The following GGACT variants were observed in gnomAD, a reference collection of about 807,000 sequenced individuals.
The protein encoded by GGACT is gamma-glutamylamine cyclotransferase.
For synonymous variants in GGACT, 118 were observed against 115.3 expected (o/e 1.02, Z -0.15); for missense variants, 241 against 233.2 (o/e 1.03, Z -0.22).
rs1594178046 is a variant in GGACT at position 100,531,406 on chromosome 13, A to C, written c.*724T>G. The C allele has an allele frequency of 2.6e-5, 4 of 152,330 alleles. No individual in the cohort carries two copies. In the South Asian group the frequency reaches 8.3e-4, roughly 32 times the overall value. 9.4% of individuals were successfully genotyped at this position (152,330 alleles called of 1,614,324 possible). The stretch of plus-strand genomic sequence containing the variant: ...TCTGGCTACTGAGATCTGGGCTCAG[A>C]TAAACTTCCACTTGAAGTCCGGGCG... On this transcript the variant is annotated 3_prime_UTR_variant, in exon 3 of 3. Transcript: ENST00000683975.
intron 2 of GGACT, chr13:100,539,076 T>C (rs555484803): frequency 1.3e-5 from 2 of 152,386 alleles, no homozygotes; most frequent in Non-Finnish European, 2.9e-5. Flanking sequence ...GCAACTTCAC[T>C]GAATTTGCTT....
At chr13:100,551,474 C>T (rs922450037) in intron 2 of GGACT, among the ~76,000 whole-genome samples, 2 of 152,184 alleles carry the variant, frequency 1.3e-5, no homozygotes, top group African/African-American at 4.8e-5. Context: ...GACTTCCCCT[C>T]GGCTCCCAGG....
intron 2 of GGACT, among the ~76,000 whole-genome samples, chr13:100,583,575 ACAATGGCATAAT>A (rs1875479803): frequency 6.6e-6 from 1 of 152,146 alleles, no homozygotes; most frequent in African/African-American, 2.4e-5. Context: ...AGGCTGGAGC[ACAATGGCATAAT>A]CAGTGTAATC....
At position 100,581,032 on chromosome 13, in the gene GGACT, G is replaced by C. The variant is rs117928011; in HGVS notation, c.-11+2793C>G. 2.7e-3 allele frequency among the ~76,000 whole-genome samples: 407 copies of C among 152,350 alleles called. 12 individuals are homozygous for C. The East Asian group carries it at 0.052, about 19-fold the overall frequency. ...GGAGGTGAGAGACAGCAGGGAAAAC[G>C]CAAGAGTGATCCACGGGGTAAAGGA... On this transcript the variant is annotated intron_variant, in intron 2 of 2. Transcript: ENST00000683975.
chr13:100,539,815 C>CTGT, intron 2 of GGACT: 1 of 532,738 alleles, frequency 1.9e-6, no homozygotes, highest in Non-Finnish European at 3.2e-6. Context: ...TGGTCCTGGG[C>CTGT]TTTTTTTTTT....
At chr13:100,577,418 A>AAAATAAATAAATAAAT (rs59417268) in intron 2 of GGACT, among the ~76,000 whole-genome samples, 4,317 of 141,176 alleles carry the variant, frequency 0.031, 91 homozygotes, top group East Asian at 0.095. Context: ...CTCCATCTCA[A>AAAATAAATAAATAAAT]AAATAAATAA....
At chr13:100,565,616 G>A (rs180829104) in intron 2 of GGACT, among the ~76,000 whole-genome samples, 41 of 152,244 alleles carry the variant, frequency 2.7e-4, no homozygotes, top group Admixed American at 1.1e-3. Context: ...AGTGTTTTAC[G>A]TTGATGATGA....
chr13:100,559,216 T>C (rs1481603700), intron 2 of GGACT, among the ~76,000 whole-genome samples: 1 of 152,196 alleles, frequency 6.6e-6, no homozygotes, highest in African/African-American at 2.4e-5. Context: ...TGAGACGGAG[T>C]CTCATCTGTT....
intron 1 of GGACT, among the ~76,000 whole-genome samples, chr13:100,585,499 G>T (rs1218252870): frequency 6.6e-6 from 1 of 152,112 alleles, no homozygotes; most frequent in African/African-American, 2.4e-5. Flanking sequence ...TGAGCACGGT[G>T]GCTCACGGCT....
chr13:100,581,359 G>A (rs1291582292), intron 2 of GGACT, among the ~76,000 whole-genome samples: 8 of 152,168 alleles, frequency 5.3e-5, no homozygotes, highest in Non-Finnish European at 7.3e-5. Context: ...AAGCAAGGAA[G>A]TGCTCAAAAA....
chr13:100,543,197 CTTTTTTTTT>C (rs147710327), intron 2 of GGACT, among the ~76,000 whole-genome samples: 51 of 69,902 alleles, frequency 7.3e-4, no homozygotes, highest in African/African-American at 2.5e-3. Context: ...AAGACACCAG[CTTTTTTTTT>C]TTTTTTTTTT....
chr13:100,545,888 A>G lies in GGACT; in HGVS notation c.-10-13287T>C, dbSNP rs1413003212. 3.3e-5 allele frequency among the ~76,000 whole-genome samples: 5 copies of G among 152,228 alleles called. No individual in the cohort carries two copies. Among genetic ancestry groups the G allele is most frequent in the African/African-American group, 1.2e-4 (5 of 41,456 alleles). Reference sequence around the variant, plus strand: ...AAGGCCCCATCATGTCCCTTCCTACACATGCGTCAGCCAACCACATACTCG... The same window carrying G: ...AAGGCCCCATCATGTCCCTTCCTACGCATGCGTCAGCCAACCACATACTCG... On this transcript the variant is annotated intron_variant, in intron 2 of 2. Coordinates refer to ENST00000683975, the MANE Select transcript of GGACT (RefSeq NM_001195087.2). The surrounding 1 kb of genome is among the most constrained non-coding windows in gnomAD (Gnocchi z 4.4).
chr13:100,558,671 T>C (rs2088730826), intron 2 of GGACT, among the ~76,000 whole-genome samples: 1 of 152,204 alleles, frequency 6.6e-6, no homozygotes, highest in African/African-American at 2.4e-5. Context: ...AATGAACTCA[T>C]ATATCCACAT....
chr13:100,585,822 C>CAAAA lies in GGACT; in HGVS notation c.-183-1829_-183-1826dup, dbSNP rs550006144. On this transcript the variant is annotated intron_variant, in intron 1 of 2. Coordinates refer to ENST00000683975, the MANE Select transcript of GGACT (RefSeq NM_001195087.2). ...CAGCCTGGGCAATACCTGTCTCCAC[C>CAAAA]AAAAAAAAAAAAAAAAAAAAAAAAA... 7.4e-3 allele frequency among the ~76,000 whole-genome samples: 220 copies of CAAAA among 29,568 alleles called. 24 individuals are homozygous for CAAAA. Among genetic ancestry groups the CAAAA allele is most frequent in the African/African-American group, 9.5e-3 (115 of 12,068 alleles). 19.4% of individuals were successfully genotyped at this position (29,568 alleles called of 152,430 possible). A position where few individuals can be genotyped will look rare whatever the true frequency, so the allele number is the denominator to read the frequency against.
chr13:100,548,170 G>A (rs980762909), intron 2 of GGACT, among the ~76,000 whole-genome samples: 1 of 152,246 alleles, frequency 6.6e-6, no homozygotes, highest in African/African-American at 2.4e-5. Context: ...GAAGGCAAGG[G>A]AGGCCTGGGA....
At position 100,532,030 on chromosome 13, in the gene GGACT, T is replaced by C. The variant is rs2088398146; in HGVS notation, c.*100A>G. On this transcript the variant is annotated 3_prime_UTR_variant, in exon 3 of 3. Transcript: ENST00000683975. ...ATTGGTTCCTTTCCGGCAGATTCAT[T>C]GGAAAGGGCCCTGTTCGGCTTCCGC... is the stretch of plus-strand genomic sequence containing the variant. 2.6e-6 allele frequency: 2 copies of C among 769,374 alleles called. No homozygotes were observed. Among genetic ancestry groups the C allele is most frequent in the South Asian group, 9.4e-5 (2 of 21,192 alleles). 47.7% of individuals were successfully genotyped at this position (769,374 alleles called of 1,614,324 possible).
chr13:100,566,893 T>C (rs1281012953), intron 2 of GGACT, among the ~76,000 whole-genome samples: 3 of 152,216 alleles, frequency 2.0e-5, no homozygotes, highest in African/African-American at 7.2e-5. Context: ...ACAATCCCAA[T>C]TGCATGTAGC....
rs569382008 is a variant in GGACT, at chr13:100,545,802, T to C, written c.-10-13201A>G. ...CTTGGGTGAGCTGCTGCACTTCCCA[T>C]TGCAAGCAGAACCTGTTCCCCCTAC... On this transcript the variant is annotated intron_variant, in intron 2 of 2. Transcript: ENST00000683975. This position sits in a 1 kb window ranked among gnomAD's most constrained non-coding sequence, Gnocchi z 4.4. Among the ~76,000 whole-genome samples, 2 of 152,162 alleles carry C rather than the reference T, an allele frequency of 1.3e-5. No homozygotes were observed. Among genetic ancestry groups the C allele is most frequent in the African/African-American group, 4.8e-5 (2 of 41,446 alleles).
chr13:100,584,643 C>T (rs917743618), intron 1 of GGACT, among the ~76,000 whole-genome samples: 3 of 152,008 alleles, frequency 2.0e-5, no homozygotes. Flanking sequence ...GATTGTAACA[C>T]AAAAGATAAA....
Sources: gnomAD v4.1 joint callset for allele counts (sites outside exome capture counted in the v4.1 genomes callset) on GRCh38, gnomAD v4.1.1 for gene constraint, Gnocchi (gnomAD v3.1) non-coding constraint, MANE v1.5 for transcripts, NCBI Gene and HGNC (gene_info 2026-07-23, HGNC 2026-07-21) for gene names.